The following PTPRD variants were observed in gnomAD, a reference collection of about 807,000 sequenced individuals.
PTPRD encodes the protein protein tyrosine phosphatase receptor type D.
In PTPRD, 34 loss-of-function variants were observed where a neutral mutation model predicts 214.5. That is an observed-to-expected ratio of 0.16 (90% CI 0.12 to 0.21). The LOEUF (loss-of-function observed/expected upper bound fraction) is 0.21. PTPRD is among the 10% of genes least tolerant of loss of function. The pLI, the probability that PTPRD is intolerant of heterozygous loss-of-function variation, is 1.00. For synonymous variants in PTPRD, 1,128 were observed against 845.7 expected, an observed-to-expected ratio of 1.33 and a Z score of -5.79; for missense variants, 2,545 against 2,398.7, an observed-to-expected ratio of 1.06 and a Z score of -1.27.
intron 10 of PTPRD, among the ~76,000 whole-genome samples, chr9:9,136,477 C>T (rs549542235): frequency 4.6e-5 from 7 of 151,932 alleles, no homozygotes; most frequent in African/African-American, 1.5e-4. Flanking sequence ...TGGTAAAAAA[C>T]GCAATTAATG....
chr9:9,371,974 G>T (rs1255946736), intron 9 of PTPRD, among the ~76,000 whole-genome samples: 1 of 152,160 alleles, frequency 6.6e-6, no homozygotes, highest in Non-Finnish European at 1.5e-5. Context: ...TGTGGTCTGA[G>T]AGACAGTTTG....
At chr9:9,441,605 T>G (rs2087843233) in intron 8 of PTPRD, among the ~76,000 whole-genome samples, 1 of 152,136 alleles carries the variant, frequency 6.6e-6, no homozygotes, top group African/African-American at 2.4e-5. Context: ...ATGCTGCCCT[T>G]TCCATGGAGA....
chr9:9,641,416 G>A (rs537308714), intron 7 of PTPRD, among the ~76,000 whole-genome samples: 153 of 152,218 alleles, frequency 1.0e-3, no homozygotes, highest in African/African-American at 3.5e-3. Context: ...ATAAGATGAT[G>A]AGCAGGCAAA....
chr9:10,221,428 T>G (rs2099570770), intron 3 of PTPRD, among the ~76,000 whole-genome samples: 1 of 152,044 alleles, frequency 6.6e-6, no homozygotes, highest in Non-Finnish European at 1.5e-5. Flanking sequence ...TAAGGGATTT[T>G]TTAAGCTTCC....
At chr9:10,588,957 G>A (rs2074678334) in intron 2 of PTPRD, among the ~76,000 whole-genome samples, 2 of 151,910 alleles carry the variant, frequency 1.3e-5, no homozygotes, top group Non-Finnish European at 2.9e-5. Context: ...CTCATCTGGG[G>A]AAGATAACTT....
At chr9:9,118,193 T>C (rs2099814166) in intron 10 of PTPRD, among the ~76,000 whole-genome samples, 1 of 152,196 alleles carries the variant, frequency 6.6e-6, no homozygotes, top group Admixed American at 6.5e-5. Context: ...CATAACACTA[T>C]AAAAGTATTT....
intron 10 of PTPRD, among the ~76,000 whole-genome samples, chr9:9,068,796 G>C (rs1242672546): frequency 6.6e-6 from 1 of 152,056 alleles, no homozygotes; most frequent in Non-Finnish European, 1.5e-5. Flanking sequence ...ATTTTTAGCA[G>C]AGATGGGGTT....
intron 3 of PTPRD, among the ~76,000 whole-genome samples, chr9:10,111,581 T>G (rs915837857): frequency 6.6e-6 from 1 of 152,168 alleles, no homozygotes; most frequent in Non-Finnish European, 1.5e-5. Context: ...GTTGTATTAT[T>G]ATAATATTGG....
At chr9:8,747,492 G>C (rs1447243735) in intron 11 of PTPRD, among the ~76,000 whole-genome samples, 1 of 152,002 alleles carries the variant, frequency 6.6e-6, no homozygotes. Context: ...GAAAAAGAAG[G>C]AAAGGGAAAT....
Position 9,707,195 on chromosome 9 carries a change from T to C in PTPRD, c.-287+27338A>G, listed in dbSNP as rs560325562. ...TTCCAATGCCTTTAAAAATGGTATTTATGTACATGTAAGGTATATTCTGAA... is the reference window on the plus strand; with the variant it reads ...TTCCAATGCCTTTAAAAATGGTATTCATGTACATGTAAGGTATATTCTGAA... On this transcript the variant is annotated intron_variant, in intron 7 of 45. Transcript: ENST00000381196. 2.4e-4 allele frequency among the ~76,000 whole-genome samples: 37 copies of C among 152,318 alleles called. No individual in the cohort carries two copies. In the South Asian group the frequency reaches 7.3e-3, roughly 30 times the overall value.
intron 28 of PTPRD, 145 bp downstream of exon 28, chr9:8,485,617 T>A: frequency 2.7e-6 from 2 of 746,012 alleles, no homozygotes; most frequent in South Asian, 3.9e-5. Context: ...ATCCAAGACG[T>A]AGTAAGTTTT....
intron 14 of PTPRD, among the ~76,000 whole-genome samples, chr9:8,616,513 G>A (rs1301804768): frequency 6.6e-6 from 1 of 152,036 alleles, no homozygotes; most frequent in African/African-American, 2.4e-5. Flanking sequence ...CAGACTCTAG[G>A]CAGACTGAAT....
At chr9:9,205,559 G>C (rs2099944317) in intron 9 of PTPRD, among the ~76,000 whole-genome samples, 1 of 152,150 alleles carries the variant, frequency 6.6e-6, no homozygotes, top group African/African-American at 2.4e-5. Flanking sequence ...GCATCATTAA[G>C]ACAGTCTTCT....
At chr9:10,107,142 T>A (rs1339697879) in intron 3 of PTPRD, among the ~76,000 whole-genome samples, 1 of 151,908 alleles carries the variant, frequency 6.6e-6, no homozygotes, top group African/African-American at 2.4e-5. Flanking sequence ...TTTGAAACAT[T>A]AAGACTAATG....
chr9:9,943,628 G>A (rs999342873), intron 4 of PTPRD, among the ~76,000 whole-genome samples: 20 of 134,254 alleles, frequency 1.5e-4, no homozygotes, highest in Non-Finnish European at 2.9e-4. Flanking sequence ...GCTGTTAGAT[G>A]GCGATATTTT....
chr9:8,853,156 A>C (rs1303315938), intron 11 of PTPRD, among the ~76,000 whole-genome samples: 1 of 152,210 alleles, frequency 6.6e-6, no homozygotes, highest in Non-Finnish European at 1.5e-5. Context: ...TATGTTTCGT[A>C]AGAATTCTAA....
intron 9 of PTPRD, among the ~76,000 whole-genome samples, chr9:9,249,684 AT>A (rs1306594027): frequency 6.6e-6 from 1 of 152,018 alleles, no homozygotes; most frequent in Non-Finnish European, 1.5e-5. Context: ...TCAACTATGC[AT>A]TATTTGTAGA....
intron 9 of PTPRD, among the ~76,000 whole-genome samples, chr9:9,377,240 A>G (rs1177192880): frequency 1.3e-5 from 2 of 152,162 alleles, no homozygotes; most frequent in Non-Finnish European, 2.9e-5. Flanking sequence ...TGCATTTAGT[A>G]TAGACATTGA....
chr9:9,537,254 T>C (rs2154269064), intron 8 of PTPRD, among the ~76,000 whole-genome samples: 1 of 152,078 alleles, frequency 6.6e-6, no homozygotes, highest in East Asian at 1.9e-4. Flanking sequence ...TTTATTTTTA[T>C]AGAAAAAAAC....
Sources: allele counts gnomAD v4.1 joint callset (sites outside exome capture counted in the v4.1 genomes callset), GRCh38; gene constraint gnomAD v4.1.1; transcripts MANE v1.5; gene names NCBI Gene and HGNC (gene_info 2026-07-23, HGNC 2026-07-21).